Variants in CTNNA3 observed in about 807,000 individuals in gnomAD.
The protein encoded by CTNNA3 is catenin alpha 3.
A neutral mutation model predicts 95.7 loss-of-function variants in CTNNA3; 76 were observed. The ratio of observed to expected loss-of-function variants is 0.79; its 90% CI spans 0.66 to 0.96. CTNNA3 has a LOEUF of 0.96. Among genes scored for constraint, CTNNA3 ranks in the 40% least tolerant of loss-of-function variants. CTNNA3 has a pLI of 0.00. For missense variants in CTNNA3, 1,191 were observed against 1,089.8 expected, an observed-to-expected ratio of 1.09 and a Z score of -1.31; for synonymous variants, 431 against 374.4, an observed-to-expected ratio of 1.15 and a Z score of -1.74.
At chr10:66,264,948 A>C (rs1335216344) in intron 13 of CTNNA3, among the ~76,000 whole-genome samples, 2 of 152,056 alleles carry the variant, frequency 1.3e-5, no homozygotes, top group East Asian at 3.9e-4. Context: ...TCCAGGAAAT[A>C]CCTGCTCCTA....
In CTNNA3 at chr10:67,392,175, C is replaced by A. The variant is rs867992817; in HGVS notation, c.579+129667G>T. On this transcript the variant is annotated intron_variant, in intron 5 of 17. Transcript: ENST00000433211. ...TACTCATCTGACAAAGGGCTAATATCCAGAATCTACAGTGAACTCAAATAA... is the reference window on the plus strand; with the variant it reads ...TACTCATCTGACAAAGGGCTAATATACAGAATCTACAGTGAACTCAAATAA... Among the ~76,000 whole-genome samples, 27 of 152,274 alleles carry A rather than the reference C, an allele frequency of 1.8e-4. No homozygotes were observed. In the Middle Eastern group the frequency reaches 0.01, roughly 58 times the overall value.
At chr10:67,607,160 A>C in intron 2 of CTNNA3, 111 bp from the exon 3 acceptor site, 6 of 831,892 alleles carry the variant, frequency 7.2e-6, no homozygotes, top group Non-Finnish European at 1.1e-5. Context: ...TGAGCAACTC[A>C]AGGGCTAGGG....
chr10:67,193,814 T>A (rs1040941120), intron 6 of CTNNA3, among the ~76,000 whole-genome samples: 2 of 151,898 alleles, frequency 1.3e-5, no homozygotes, highest in African/African-American at 4.8e-5. Context: ...TGTGCATGTG[T>A]CTTTATGACA....
At chr10:66,365,777 T>C (rs555234918) in intron 12 of CTNNA3, among the ~76,000 whole-genome samples, 4 of 49,468 alleles carry the variant, frequency 8.1e-5, no homozygotes, top group African/African-American at 1.2e-4. Context: ...TCTCTCTCTC[T>C]CTCTCATCTG....
intron 16 of CTNNA3, among the ~76,000 whole-genome samples, chr10:65,985,581 CT>C (rs2078410974): frequency 6.6e-6 from 1 of 151,220 alleles, no homozygotes; most frequent in African/African-American, 2.4e-5. Context: ...TACTACTTTT[CT>C]TTGAATTTTA....
At chr10:66,645,729 A>T (rs867260100) in intron 9 of CTNNA3, among the ~76,000 whole-genome samples, 1 of 152,152 alleles carries the variant, frequency 6.6e-6, no homozygotes, top group South Asian at 2.1e-4. Context: ...TGAACAGCAC[A>T]TGCAAGAAAT....
Position 67,051,462 on chromosome 10 carries a change from TC to T in CTNNA3, c.1047+128854del, listed in dbSNP as rs1208398793. 6.7e-3 allele frequency among the ~76,000 whole-genome samples: 524 copies of T among 78,538 alleles called. 5 individuals carry two copies. Among genetic ancestry groups the T allele is most frequent in the Middle Eastern group, 0.013 (1 of 78 alleles). 51.5% of individuals were successfully genotyped at this position (78,538 alleles called of 152,430 possible). A position where few individuals can be genotyped will look rare whatever the true frequency, so the allele number is the denominator to read the frequency against. On this transcript the variant is annotated intron_variant, in intron 7 of 17. Coordinates refer to ENST00000433211, the MANE Select transcript of CTNNA3 (RefSeq NM_013266.4). ...CACATCTTTTTTCTTTTTTCTTTTT[TC>T]TTTTTTTTTTTTTGGTGACGGAGTC...
At chr10:65,963,777 C>T (rs1211050071) in intron 17 of CTNNA3, among the ~76,000 whole-genome samples, 1 of 152,118 alleles carries the variant, frequency 6.6e-6, no homozygotes, top group Non-Finnish European at 1.5e-5. Flanking sequence ...GTAAAACATG[C>T]AACTTCAAGA....
intron 7 of CTNNA3, among the ~76,000 whole-genome samples, chr10:66,865,852 A>G (rs910983389): frequency 3.3e-5 from 5 of 152,124 alleles, no homozygotes; most frequent in African/African-American, 4.8e-5. Flanking sequence ...TGAACATTTG[A>G]ATAAAAGTAA....
At chr10:66,938,044 T>C (rs1589452218) in intron 7 of CTNNA3, among the ~76,000 whole-genome samples, 1 of 152,208 alleles carries the variant, frequency 6.6e-6, no homozygotes, top group East Asian at 1.9e-4. Context: ...TGATAGATGT[T>C]GTTGAATTGA....
At chr10:67,617,813 G>A (rs191664609) in intron 2 of CTNNA3, among the ~76,000 whole-genome samples, 14 of 146,218 alleles carry the variant, frequency 9.6e-5, no homozygotes, top group African/African-American at 3.6e-4. Flanking sequence ...TAACTGGTTT[G>A]AAATGTTATC....
At chr10:66,019,018 T>C (rs2079148208) in intron 15 of CTNNA3, among the ~76,000 whole-genome samples, 1 of 152,240 alleles carries the variant, frequency 6.6e-6, no homozygotes, top group East Asian at 1.9e-4. Context: ...CATTAATAAA[T>C]GTATAACCAA....
chr10:67,468,126 C>G (rs536252981), intron 5 of CTNNA3, among the ~76,000 whole-genome samples: 1 of 151,880 alleles, frequency 6.6e-6, no homozygotes, highest in Non-Finnish European at 1.5e-5. Context: ...TATTTCATCA[C>G]CCAAGTATTC....
At chr10:67,631,042 G>A (rs902628627) in intron 2 of CTNNA3, among the ~76,000 whole-genome samples, 2 of 152,156 alleles carry the variant, frequency 1.3e-5, no homozygotes, top group African/African-American at 4.8e-5. Flanking sequence ...ATTCTTTGAA[G>A]CACAATTCTG....
chr10:66,122,349 G>A (rs2082619754), intron 13 of CTNNA3, among the ~76,000 whole-genome samples: 1 of 151,960 alleles, frequency 6.6e-6, no homozygotes, highest in Admixed American at 6.6e-5. Context: ...CAAGGAGTGT[G>A]GAACAATTAG....
At chr10:67,195,684 T>C (rs1229952551) in intron 6 of CTNNA3, among the ~76,000 whole-genome samples, 1 of 152,024 alleles carries the variant, frequency 6.6e-6, no homozygotes, top group Non-Finnish European at 1.5e-5. Context: ...TCCACCAATA[T>C]TTATTAATCA....
intron 7 of CTNNA3, among the ~76,000 whole-genome samples, chr10:67,064,493 T>C (rs975459341): frequency 6.6e-6 from 1 of 152,242 alleles, no homozygotes; most frequent in African/African-American, 2.4e-5. Context: ...CAATAAATTT[T>C]ACATCATCTA....
chr10:67,225,380 C>T (rs1864857978), intron 5 of CTNNA3, among the ~76,000 whole-genome samples: 1 of 152,202 alleles, frequency 6.6e-6, no homozygotes, highest in Admixed American at 6.5e-5. Context: ...AGCTGATGCT[C>T]TCTACAAAAC....
Position 66,966,474 on chromosome 10 carries a change from CTATGTAAT to C in CTNNA3, c.1048-190958_1048-190951del, listed in dbSNP as rs551394479. 5.5e-3 allele frequency among the ~76,000 whole-genome samples: 633 copies of C among 114,654 alleles called. 36 individuals are homozygous for C. The East Asian group carries it at 0.13, about 24-fold the overall frequency. The allele number at this position is 114,654 out of a possible 152,430, so 75.2% of individuals were successfully genotyped here. On this transcript the variant is annotated intron_variant, in intron 7 of 17. Transcript: ENST00000433211. ...TTAATATGCAGCTGGGTTAACTCGGCTATGTAATATATTTTTTTTTTCAGGATATACCT... is the reference window on the plus strand; with the variant it reads ...TTAATATGCAGCTGGGTTAACTCGGCATATTTTTTTTTTCAGGATATACCT...
Sources: gnomAD v4.1 joint callset for allele counts (sites outside exome capture counted in the v4.1 genomes callset) on GRCh38, gnomAD v4.1.1 for gene constraint, MANE v1.5 for transcripts, NCBI Gene and HGNC (gene_info 2026-07-23, HGNC 2026-07-21) for gene names.